The following FBXL17 variants were observed in gnomAD, a reference collection of about 807,000 sequenced individuals.
FBXL17 encodes F-box and leucine rich repeat protein 17.
A neutral mutation model predicts 66.2 loss-of-function variants in FBXL17; 22 were observed. The ratio of observed to expected loss-of-function variants is 0.33; its 90% CI spans 0.24 to 0.47. The LOEUF (loss-of-function observed/expected upper bound fraction) is 0.47. FBXL17 is among the 20% of genes least tolerant of loss of function. The probability of loss-of-function intolerance (pLI) is 1.00; values close to 1 mark genes in which losing one functional copy is unlikely to be tolerated. For missense variants in FBXL17, 878 were observed against 948.2 expected, an observed-to-expected ratio of 0.93 and a Z score of 0.97; for synonymous variants, 474 against 400.5, an observed-to-expected ratio of 1.18 and a Z score of -2.19.
chr5:108,326,930 AAACATAC>A (rs1382618991), intron 4 of FBXL17, among the ~76,000 whole-genome samples: 2 of 152,236 alleles, frequency 1.3e-5, no homozygotes, highest in Non-Finnish European at 2.9e-5. Context: ...AGTTCAAGTT[AAACATAC>A]ACTTCCCAAA....
At chr5:108,139,791 G>A (rs77623112) in intron 6 of FBXL17, among the ~76,000 whole-genome samples, 13 of 152,114 alleles carry the variant, frequency 8.5e-5, no homozygotes, top group East Asian at 3.9e-4. Context: ...TCTACTCCCC[G>A]CCTCCTTCAG....
At chr5:108,190,360 GAAGA>G (rs988449047) in intron 5 of FBXL17, among the ~76,000 whole-genome samples, 3 of 152,180 alleles carry the variant, frequency 2.0e-5, no homozygotes, top group African/African-American at 4.8e-5. Context: ...ACTCTTGTCA[GAAGA>G]AAGAGAAATA....
At chr5:107,902,117 T>C (rs931793251) in intron 7 of FBXL17, among the ~76,000 whole-genome samples, 10 of 152,204 alleles carry the variant, frequency 6.6e-5, no homozygotes, top group Non-Finnish European at 1.0e-4. Flanking sequence ...ATATGGCCCA[T>C]GGAGTTTGGA....
chr5:108,253,212 C>T (rs1371635055), intron 4 of FBXL17, among the ~76,000 whole-genome samples: 1 of 152,062 alleles, frequency 6.6e-6, no homozygotes, highest in Non-Finnish European at 1.5e-5. Flanking sequence ...TTCCATGAAT[C>T]ACAGAAAAGG....
chr5:108,281,329 A>C (rs1388582579), intron 4 of FBXL17, among the ~76,000 whole-genome samples: 1 of 151,994 alleles, frequency 6.6e-6, no homozygotes, highest in Non-Finnish European at 1.5e-5. Flanking sequence ...CTCAGGCCAC[A>C]GTAGAATAAA....
intron 6 of FBXL17, among the ~76,000 whole-genome samples, chr5:108,094,874 CAA>C (rs35283339): frequency 3.0e-5 from 4 of 135,052 alleles, no homozygotes; most frequent in Admixed American, 7.5e-5. Context: ...AACAAGGATG[CAA>C]AAAAAAAAAA....
chr5:108,348,843 C>A (rs1048137151), intron 3 of FBXL17, among the ~76,000 whole-genome samples: 2 of 152,132 alleles, frequency 1.3e-5, no homozygotes, highest in Non-Finnish European at 2.9e-5. Flanking sequence ...CTCACTGTGT[C>A]GCCCAGGCTA....
chr5:108,332,805 G>A (rs1760186688), intron 4 of FBXL17, among the ~76,000 whole-genome samples: 1 of 151,622 alleles, frequency 6.6e-6, no homozygotes, highest in Admixed American at 6.6e-5. Flanking sequence ...ATGGAGTTTC[G>A]CCATGTTTGA....
chr5:107,941,313 T>C (rs181530385), intron 7 of FBXL17, among the ~76,000 whole-genome samples: 56 of 152,314 alleles, frequency 3.7e-4, no homozygotes, highest in Admixed American at 9.2e-4. Flanking sequence ...TTCTCTATCA[T>C]TGCATCTTGG....
chr5:108,213,736 C>T (rs1206662089), intron 5 of FBXL17, among the ~76,000 whole-genome samples: 36 of 152,284 alleles, frequency 2.4e-4, no homozygotes, highest in Admixed American at 2.4e-3. Context: ...CCTATTCAGC[C>T]ATCTTGCCAG....
At chr5:108,336,706 T>A (rs1760398547) in intron 4 of FBXL17, among the ~76,000 whole-genome samples, 1 of 152,136 alleles carries the variant, frequency 6.6e-6, no homozygotes, top group Admixed American at 6.5e-5. Flanking sequence ...ATCTACCTAA[T>A]TCTTAAAAAG....
intron 6 of FBXL17, among the ~76,000 whole-genome samples, chr5:108,066,833 T>G (rs1241734510): frequency 2.0e-5 from 3 of 152,052 alleles, no homozygotes; most frequent in African/African-American, 7.2e-5. Flanking sequence ...ACAATAGATG[T>G]GCCTTTACAG....
intron 6 of FBXL17, among the ~76,000 whole-genome samples, chr5:108,051,832 C>T (rs759110917): frequency 5.3e-5 from 8 of 151,800 alleles, no homozygotes; most frequent in East Asian, 1.9e-4. Flanking sequence ...AAAAATTGGC[C>T]GGGTGCTGTG....
intron 6 of FBXL17, among the ~76,000 whole-genome samples, chr5:108,034,226 C>T (rs1198915592): frequency 2.6e-5 from 4 of 152,296 alleles, no homozygotes; most frequent in Middle Eastern, 3.4e-3. Flanking sequence ...TAGTTCTCCA[C>T]TTTATCTCTA....
At chr5:107,944,757 A>T (rs901874760) in intron 7 of FBXL17, among the ~76,000 whole-genome samples, 3 of 152,164 alleles carry the variant, frequency 2.0e-5, no homozygotes, top group Non-Finnish European at 4.4e-5. Flanking sequence ...TACTCAATAA[A>T]CGTATATCCA....
chr5:108,262,677 A>T (rs1188587080), intron 4 of FBXL17, among the ~76,000 whole-genome samples: 2 of 152,188 alleles, frequency 1.3e-5, no homozygotes, highest in Non-Finnish European at 2.9e-5. Flanking sequence ...ACGAGAAGAA[A>T]ATATGGGCCC....
chr5:108,004,441 A>C (rs886797590), intron 7 of FBXL17, among the ~76,000 whole-genome samples: 28 of 152,238 alleles, frequency 1.8e-4, no homozygotes, highest in African/African-American at 6.5e-4. Flanking sequence ...TAGAAATAAA[A>C]TAATATTCCA....
At chr5:108,224,970 A>G (rs1345694681) in intron 4 of FBXL17, among the ~76,000 whole-genome samples, 2 of 152,030 alleles carry the variant, frequency 1.3e-5, no homozygotes, top group African/African-American at 2.4e-5. Flanking sequence ...ATACCATAAA[A>G]TTCACCCTTT....
At chr5:108,376,080 T>C (rs1299573687) in intron 1 of FBXL17, among the ~76,000 whole-genome samples, 5 of 152,196 alleles carry the variant, frequency 3.3e-5, no homozygotes, top group East Asian at 3.8e-4. Flanking sequence ...TCTAATACCC[T>C]TTCTTGATTA....
Sources: allele counts gnomAD v4.1 joint callset (sites outside exome capture counted in the v4.1 genomes callset), GRCh38; gene constraint gnomAD v4.1.1; transcripts MANE v1.5; gene names NCBI Gene and HGNC (gene_info 2026-07-23, HGNC 2026-07-21).